Variants in METTL24 observed in about 807,000 individuals in gnomAD.
METTL24 encodes the protein probable methyltransferase-like protein 24.
A neutral mutation model predicts 32.7 loss-of-function variants in METTL24; 29 were observed. The ratio of observed to expected loss-of-function variants is 0.89; its 90% confidence interval spans 0.66 to 1.21. METTL24 has a LOEUF of 1.21. METTL24 is among the 50% of genes most tolerant of loss of function. The pLI is 0.00. For missense variants in METTL24, 439 were observed against 468.1 expected (o/e 0.94, Z 0.57); for synonymous variants, 163 against 179.5 (o/e 0.91, Z 0.73).
intron 3 of METTL24, among the ~76,000 whole-genome samples, chr6:110,300,422 CTTT>C (rs56017770): frequency 7.5e-5 from 10 of 133,200 alleles, no homozygotes; most frequent in Middle Eastern, 3.5e-3. Flanking sequence ...CCGAGACATG[CTTT>C]TTTTTTTTTT....
At chr6:110,305,936 C>T (rs1771619477) in intron 3 of METTL24, among the ~76,000 whole-genome samples, 2 of 152,114 alleles carry the variant, frequency 1.3e-5, no homozygotes, top group Admixed American at 1.3e-4. Context: ...CAAATGCCCA[C>T]AATGTTAGAC....
chr6:110,264,793 T>TA (rs1430367230), intron 4 of METTL24, among the ~76,000 whole-genome samples: 1 of 152,060 alleles, frequency 6.6e-6, no homozygotes, highest in Admixed American at 6.6e-5. Context: ...TATGCAGCCA[T>TA]AAAAAATGAT....
chr6:110,261,941 G>A (rs1032678255), intron 4 of METTL24, among the ~76,000 whole-genome samples: 8 of 151,834 alleles, frequency 5.3e-5, no homozygotes, highest in East Asian at 1.9e-4. Flanking sequence ...ACAACGTACC[G>A]GAATCTCTGG....
rs1211550246 is a variant in METTL24 at position 110,259,327 on chromosome 6, C to T, written c.787-13067G>A. Among the ~76,000 whole-genome samples, 6 of 152,248 alleles carry T rather than the reference C, an allele frequency of 3.9e-5. No homozygotes were observed. The East Asian group carries it at 7.7e-4, about 20-fold the overall frequency. Reference sequence around the variant, plus strand: ...GCACACCAGGAGATTATATCCCACGCCTGGCTCAGAGGGTCCTACACCCAT... The same window carrying T: ...GCACACCAGGAGATTATATCCCACGTCTGGCTCAGAGGGTCCTACACCCAT... On this transcript the variant is annotated intron_variant, in intron 4 of 4. Transcript: ENST00000338882.
At chr6:110,314,943 G>A (rs186072400) in intron 3 of METTL24, among the ~76,000 whole-genome samples, 6 of 152,204 alleles carry the variant, frequency 3.9e-5, no homozygotes, top group African/African-American at 9.6e-5. Context: ...CAGCCTGGGC[G>A]ACAGAGTGAG....
At chr6:110,329,994 A>G (rs2114760726) in intron 1 of METTL24, among the ~76,000 whole-genome samples, 1 of 152,336 alleles carries the variant, frequency 6.6e-6, no homozygotes, top group East Asian at 1.9e-4. Flanking sequence ...AAGCCAGGTC[A>G]CCATTGCTTT....
chr6:110,356,965 G>A lies in METTL24; in HGVS notation c.318+990C>T, dbSNP rs531788319. On this transcript the variant is annotated intron_variant, in intron 1 of 4. Coordinates refer to ENST00000338882, the MANE Select transcript of METTL24 (RefSeq NM_001123364.3). Reference sequence around the variant, plus strand: ...AAAAGTAGGCTAGCACTGGGCAGCCGAAGACAGCAGCGAGGCAAAGGAAGA... The same window carrying A: ...AAAAGTAGGCTAGCACTGGGCAGCCAAAGACAGCAGCGAGGCAAAGGAAGA... Among the ~76,000 whole-genome samples, 10 of 152,302 alleles carry A rather than the reference G, an allele frequency of 6.6e-5. 1 individual carries two copies. In the South Asian group the frequency reaches 1.7e-3, roughly 25 times the overall value.
intron 3 of METTL24, among the ~76,000 whole-genome samples, chr6:110,302,548 CATATGTGTATATAT>C (rs1562230904): frequency 4.3e-4 from 47 of 108,544 alleles, no homozygotes; most frequent in African/African-American, 2.4e-3. Context: ...TATACACACA[CATATGTGTATATAT>C]ACACACATAC....
At chr6:110,300,669 C>T (rs563235102) in intron 3 of METTL24, among the ~76,000 whole-genome samples, 127 of 152,214 alleles carry the variant, frequency 8.3e-4, no homozygotes, top group African/African-American at 3.0e-3. Context: ...GATCCACCCT[C>T]GTTGGCCTCC....
chr6:110,308,786 GAT>G lies in METTL24; in HGVS notation c.557+6554_557+6555del, dbSNP rs1366467070. Among the ~76,000 whole-genome samples, 3 of 152,294 alleles carry G rather than the reference GAT, an allele frequency of 2.0e-5. No individual in the cohort carries two copies. The East Asian group carries it at 5.8e-4, about 29-fold the overall frequency. On this transcript the variant is annotated intron_variant, in intron 3 of 4. Coordinates refer to ENST00000338882, the MANE Select transcript of METTL24 (RefSeq NM_001123364.3). ...TCAGCCATAAAAGGAATGAAGTACTGATACATGCTGCAATGTGGCTGAACCTT... is the reference window on the plus strand; with the variant it reads ...TCAGCCATAAAAGGAATGAAGTACTGACATGCTGCAATGTGGCTGAACCTT...
Position 110,244,325 on chromosome 6 carries a change from G to C in METTL24, c.*1621C>G, listed in dbSNP as rs1275021987. On this transcript the variant is annotated 3_prime_UTR_variant, in exon 5 of 5. Transcript: ENST00000338882. ...TGTGCTTAGTTTAATAGGAAGTGAA[G>C]GGGAATTAAGGCTGAGTATAAAAAG... Among the ~76,000 whole-genome samples the C allele has an allele frequency of 6.6e-6, 1 of 152,140 alleles. No individual in the cohort carries two copies. The highest frequency in any genetic ancestry group is 6.5e-5 in the Admixed American group (1 of 15,280).
At chr6:110,316,664 G>A (rs1297537650) in intron 2 of METTL24, among the ~76,000 whole-genome samples, 2 of 152,244 alleles carry the variant, frequency 1.3e-5, no homozygotes, top group Non-Finnish European at 2.9e-5. Flanking sequence ...GGGAGGCCGA[G>A]GCAGGAGGAT....
At chr6:110,291,270 T>C (rs1371051791) in intron 4 of METTL24, among the ~76,000 whole-genome samples, 1 of 152,200 alleles carries the variant, frequency 6.6e-6, no homozygotes, top group Non-Finnish European at 1.5e-5. Flanking sequence ...TGTTTGCATA[T>C]GTCAAGGTTG....
At chr6:110,311,655 G>T (rs1275884307) in intron 3 of METTL24, among the ~76,000 whole-genome samples, 1 of 151,680 alleles carries the variant, frequency 6.6e-6, no homozygotes, top group Non-Finnish European at 1.5e-5. Context: ...TGTATTTTTA[G>T]TAGAAACAGG....
At position 110,358,047 on chromosome 6, in the gene METTL24, C is replaced by G. The variant is rs1167842015; in HGVS notation, c.226G>C (p.Val76Leu). 16 of 1,096,586 alleles carry G rather than the reference C, an allele frequency of 1.5e-5. No homozygotes were observed. Among genetic ancestry groups the G allele is most frequent in the Non-Finnish European group, 1.7e-5 (15 of 903,090 alleles). The allele number at this position is 1,096,586 out of a possible 1,614,324, so 67.9% of individuals were successfully genotyped here. The change falls in exon 1 of 5, where the codon GTG (valine) becomes CTG (leucine). Residue 76 changes from valine (V) to leucine (L), a missense_variant. Transcript: ENST00000338882. ...RGASRRQVTY[V>L]RSGRRAPPGG... Reference sequence around the variant, plus strand: ...GGCGGCGCCCGGCGACCGCTGCGCACGTAGGTCACCTGCCTCCTGCTGGCG... The same window carrying G: ...GGCGGCGCCCGGCGACCGCTGCGCAGGTAGGTCACCTGCCTCCTGCTGGCG...
At chr6:110,248,165 G>T (rs1210780763) in intron 4 of METTL24, among the ~76,000 whole-genome samples, 1 of 152,158 alleles carries the variant, frequency 6.6e-6, no homozygotes, top group East Asian at 1.9e-4. Context: ...CTCACCAGGA[G>T]CAGATACCGG....
At position 110,322,754 on chromosome 6, in the gene METTL24, C is replaced by G. The variant is rs764742013; in HGVS notation, c.417+20G>C. 3.1e-6 allele frequency: 5 copies of G among 1,599,550 alleles called. No individual in the cohort carries two copies. Among genetic ancestry groups the G allele is most frequent in the Non-Finnish European group, 2.6e-6 (3 of 1,170,076 alleles). Reference sequence around the variant, plus strand: ...GATCTTTCACATTCTTCTCTAACTTCTTTGAGCCTGAAACACAACCTGGGT... The same window carrying G: ...GATCTTTCACATTCTTCTCTAACTTGTTTGAGCCTGAAACACAACCTGGGT... On this transcript the variant is annotated intron_variant, in intron 2 of 4. Coordinates refer to ENST00000338882, the MANE Select transcript of METTL24 (RefSeq NM_001123364.3).
At chr6:110,335,386 TGAAATCTC>T (rs538290534) in intron 1 of METTL24, among the ~76,000 whole-genome samples, 169 of 152,286 alleles carry the variant, frequency 1.1e-3, no homozygotes, top group Non-Finnish European at 1.9e-3. Context: ...TCTAAGCTGA[TGAAATCTC>T]GAATATATTT....
At chr6:110,309,426 A>G (rs977385825) in intron 3 of METTL24, among the ~76,000 whole-genome samples, 3 of 152,214 alleles carry the variant, frequency 2.0e-5, no homozygotes, top group African/African-American at 4.8e-5. Context: ...CTTACACGCA[A>G]TGCCACATTT....
Sources: gnomAD v4.1 joint callset for allele counts (sites outside exome capture counted in the v4.1 genomes callset) on GRCh38, gnomAD v4.1.1 for gene constraint, MANE v1.5 for transcripts, NCBI Gene and HGNC (gene_info 2026-07-23, HGNC 2026-07-21) for gene names.